The following CD55 variants were observed in gnomAD, a reference collection of about 807,000 sequenced individuals.
CD55 encodes the protein complement decay-accelerating factor.
A neutral mutation model predicts 45.8 loss-of-function variants in CD55; 41 were observed. The observed-to-expected ratio is 0.90, with a 90% CI of 0.70 to 1.16. CD55 has a LOEUF of 1.16. Ranked by LOEUF, CD55 falls within the 50% of genes most tolerant of loss-of-function variation. CD55 has a pLI of 0.00. For synonymous variants in CD55, 181 were observed against 181.1 expected (o/e 1.00, Z 0.01); for missense variants, 416 against 469.8 (o/e 0.89, Z 1.06).
rs1654651468 is a variant in CD55 at position 207,325,721 on chromosome 1, G to T, written c.578G>T (p.Gly193Val). The T allele has an allele frequency of 6.4e-7, 1 of 1,567,932 alleles. No individual in the cohort carries two copies. The highest frequency in any genetic ancestry group is 8.8e-7 in the Non-Finnish European group (1 of 1,139,678). Reference sequence around the variant, plus strand: ...ACCATCTCCTTCTCATGTAACACAGGGTAAGTTTGGGCATACTAAAACCCT... The same window carrying T: ...ACCATCTCCTTCTCATGTAACACAGTGTAAGTTTGGGCATACTAAAACCCT... ...GATISFSCNT[G>V]YKLFGSTSSF... The change falls in exon 4 of 10, where the codon GGG becomes GTG. Residue 193 changes from glycine (G) to valine (V), a missense_variant and splice_region_variant. Around this residue, in one of 3 missense-constraint regions of CD55, gnomAD observed 111 missense variants for 163.4 expected, o/e 0.68. Transcript: ENST00000367064.
In CD55 at chr1:207,331,160, A is replaced by G. The variant is rs1654924770; in HGVS notation, c.717A>G (p.Glu239=). The change falls in exon 6 of 10, where the codon GAA becomes GAG. Residue 239 remains glutamate, a synonymous_variant. Transcript: ENST00000367064. Reference sequence around the variant, plus strand: ...TTGACAATGGAATAATTCAAGGGGAACGTGACCATTATGGATATAGACAGT... The same window carrying G: ...TTGACAATGGAATAATTCAAGGGGAGCGTGACCATTATGGATATAGACAGT... The part of the protein sequence containing the change: ...PQIDNGIIQG[E]RDHYGYRQSV... 6.2e-7 allele frequency: 1 copy of G among 1,613,782 alleles called. No individual in the cohort carries two copies.
rs28371617 is a variant in CD55, at chr1:207,333,233, T to C, written c.853+1937T>C. Among the ~76,000 whole-genome samples the C allele has an allele frequency of 5.3e-3, 806 of 152,312 alleles. 7 individuals are homozygous for C. Among genetic ancestry groups the C allele is most frequent in the African/African-American group, 0.018 (768 of 41,566 alleles). On this transcript the variant is annotated intron_variant, in intron 6 of 9. Transcript: ENST00000367064. ...TCCCCTTTAGCACATCTGTGCTCAT[T>C]TTGAAACTGTATAGGGAAGGACATT...
At chr1:207,348,516 G>C (rs1655739892) in intron 9 of CD55, among the ~76,000 whole-genome samples, 1 of 152,026 alleles carries the variant, frequency 6.6e-6, no homozygotes, top group African/African-American at 2.4e-5. Flanking sequence ...TTTTCTGTAG[G>C]TTGTCTGTTT....
intron 9 of CD55, chr1:207,347,136 C>A (rs1198566958): frequency 2.2e-6 from 1 of 456,134 alleles, no homozygotes; most frequent in African/African-American, 2.0e-5. Flanking sequence ...GCTTAGGTTT[C>A]TCTCCATGGA....
At chr1:207,342,406 T>C (rs1025295389) in intron 9 of CD55, among the ~76,000 whole-genome samples, 28 of 152,164 alleles carry the variant, frequency 1.8e-4, no homozygotes, top group African/African-American at 6.3e-4. Flanking sequence ...CTTTCAGCTT[T>C]TCCTCATTCA....
intron 5 of CD55, among the ~76,000 whole-genome samples, chr1:207,330,098 TA>T (rs1654875154): frequency 6.6e-6 from 1 of 152,190 alleles, no homozygotes; most frequent in Non-Finnish European, 1.5e-5. Context: ...CTTCCAATTA[TA>T]AAAAAATGCC....
In CD55 at chr1:207,360,906, G is replaced by A. The variant is rs1043956865; in HGVS notation, c.*1296G>A. 6.6e-6 allele frequency: 1 copy of A among 152,092 alleles called. No homozygotes were observed. Among genetic ancestry groups the A allele is most frequent in the Non-Finnish European group, 1.5e-5 (1 of 68,008 alleles). The allele number at this position is 152,092 out of a possible 1,614,324, so 9.4% of individuals were successfully genotyped here. On this transcript the variant is annotated 3_prime_UTR_variant, in exon 10 of 10. Transcript: ENST00000367064. ...GTACTTTAAATTTCATACGTTCATG[G>A]CATTTCACTGTAAAGACTTTAATGT...
chr1:207,346,082 C>T (rs1655624659), intron 9 of CD55, among the ~76,000 whole-genome samples: 1 of 152,180 alleles, frequency 6.6e-6, no homozygotes, highest in East Asian at 1.9e-4. Flanking sequence ...GGCGGGTGAC[C>T]TGGTTCTCAG....
intron 9 of CD55, among the ~76,000 whole-genome samples, chr1:207,351,102 A>C (rs1447980662): frequency 6.6e-6 from 1 of 152,114 alleles, no homozygotes; most frequent in East Asian, 1.9e-4. Flanking sequence ...TAATTTTCAG[A>C]ATGCCAAAAG....
intron 9 of CD55, among the ~76,000 whole-genome samples, chr1:207,342,766 G>T (rs529703801): frequency 6.6e-6 from 1 of 152,242 alleles, no homozygotes; most frequent in South Asian, 2.1e-4. Context: ...TGTTTCAGGA[G>T]AATTGGTATT....
chr1:207,328,580 G>A (rs1025947118), intron 5 of CD55, among the ~76,000 whole-genome samples: 3 of 152,168 alleles, frequency 2.0e-5, no homozygotes, highest in African/African-American at 7.2e-5. Flanking sequence ...TCTGAATAGA[G>A]CCTCACTGTC....
intron 8 of CD55, 186 bp downstream of exon 8, chr1:207,337,595 A>C (rs1277343405): frequency 4.7e-6 from 2 of 429,408 alleles, no homozygotes; most frequent in African/African-American, 4.1e-5. Context: ...TTAAAAAAAG[A>C]AACATTTACA....
At chr1:207,336,172 G>A (rs1176974611) in intron 6 of CD55, among the ~76,000 whole-genome samples, 1 of 152,162 alleles carries the variant, frequency 6.6e-6, no homozygotes, top group East Asian at 1.9e-4. Flanking sequence ...TGTATGGAAA[G>A]TTGGTAACCA....
rs1400728497 is a variant in CD55, at chr1:207,327,677, A to G, written c.664+840A>G. Among the ~76,000 whole-genome samples, 5 of 152,238 alleles carry G rather than the reference A, an allele frequency of 3.3e-5. No homozygotes were observed. The East Asian group carries it at 9.6e-4, about 29-fold the overall frequency. On this transcript the variant is annotated intron_variant, in intron 5 of 9. Coordinates refer to ENST00000367064, the MANE Select transcript of CD55 (RefSeq NM_000574.5). ...ATTATTGATAAGTTAAAGTTTTTGT[A>G]TGTTACTAGGGGAAGAAAACTAGAG...
intron 9 of CD55, among the ~76,000 whole-genome samples, chr1:207,342,841 T>G (rs75915269): frequency 0.02 from 3,022 of 152,216 alleles, 103 homozygotes; most frequent in African/African-American, 0.067. Context: ...CTTTTCTTTG[T>G]CAGGAGACTT....
intron 9 of CD55, chr1:207,347,328 C>T (rs976171541): frequency 9.9e-6 from 4 of 403,472 alleles, no homozygotes; most frequent in African/African-American, 6.2e-5. Context: ...GGCGTGATCT[C>T]GGCTCACTGC....
At chr1:207,349,752 C>T (rs996845707) in intron 9 of CD55, among the ~76,000 whole-genome samples, 4 of 152,120 alleles carry the variant, frequency 2.6e-5, no homozygotes, top group Non-Finnish European at 4.4e-5. Flanking sequence ...TTTAACAGTT[C>T]TAAAAGCTTT....
In CD55 at chr1:207,350,212, A is replaced by T. The variant is rs1655811118; in HGVS notation, c.1082-9334A>T. ...ACCTTGCATCCCAGGAATAAAGCCT[A>T]CTTGATCGTGGTAAGTTAGGTATTT... is the stretch of plus-strand genomic sequence containing the variant. On this transcript the variant is annotated intron_variant, in intron 9 of 9. Coordinates refer to ENST00000367064, the MANE Select transcript of CD55 (RefSeq NM_000574.5). 7.3e-6 allele frequency: 3 copies of T among 410,376 alleles called. No individual in the cohort carries two copies. In the Admixed American group the frequency reaches 8.0e-5, roughly 11 times the overall value. 25.4% of individuals were successfully genotyped at this position (410,376 alleles called of 1,614,324 possible).
chr1:207,356,276 G>A (rs1258264342), intron 9 of CD55, among the ~76,000 whole-genome samples: 1 of 152,084 alleles, frequency 6.6e-6, no homozygotes, highest in African/African-American at 2.4e-5. Context: ...ATTTGGTACT[G>A]TATCAGTAGA....
Sources: gnomAD v4.1 joint callset for allele counts (sites outside exome capture counted in the v4.1 genomes callset) on GRCh38, gnomAD v4.1.1 for gene constraint, gnomAD v4.1.1 regional missense constraint, MANE v1.5 for transcripts, NCBI Gene and HGNC (gene_info 2026-07-23, HGNC 2026-07-21) for gene names.